The following AP3B1 variants were observed in gnomAD, a reference collection of about 807,000 sequenced individuals.
AP3B1 encodes AP-3 complex subunit beta-1.
In AP3B1, 61 loss-of-function variants were observed where a neutral mutation model predicts 132.5. That is an observed-to-expected ratio of 0.46 (90% CI 0.37 to 0.57). The LOEUF (loss-of-function observed/expected upper bound fraction) is 0.57, where lower values mean the gene tolerates loss of function less well. Ranked by LOEUF, AP3B1 falls within the 20% of genes least tolerant of loss-of-function variation. The pLI is 0.00. For missense variants in AP3B1, 1,120 were observed against 1,289.4 expected (o/e 0.87, Z 2.01); for synonymous variants, 388 against 438.3 (o/e 0.89, Z 1.43).
chr5:78,259,646 A>G (rs1287488517), intron 2 of AP3B1, among the ~76,000 whole-genome samples: 1 of 152,106 alleles, frequency 6.6e-6, no homozygotes, highest in Admixed American at 6.6e-5. Flanking sequence ...AAATACATAC[A>G]CCTACTATGT....
chr5:78,005,114 C>T (rs540151345), intron 26 of AP3B1, among the ~76,000 whole-genome samples: 8 of 152,276 alleles, frequency 5.3e-5, no homozygotes, highest in African/African-American at 1.9e-4. Flanking sequence ...CTCTATTTTC[C>T]CATTCATTTA....
intron 8 of AP3B1, among the ~76,000 whole-genome samples, chr5:78,181,305 G>C (rs1470431471): frequency 6.6e-6 from 1 of 152,024 alleles, no homozygotes; most frequent in African/African-American, 2.4e-5. Flanking sequence ...AATATATTTA[G>C]GTATTACTTC....
intron 22 of AP3B1, among the ~76,000 whole-genome samples, chr5:78,040,989 C>T (rs745525917): frequency 3.3e-5 from 5 of 152,086 alleles, no homozygotes; most frequent in Non-Finnish European, 5.9e-5. Context: ...TAATCATCAC[C>T]TCTGGCCAGG....
intron 2 of AP3B1, among the ~76,000 whole-genome samples, chr5:78,259,033 C>T (rs760939740): frequency 1.3e-5 from 2 of 151,912 alleles, no homozygotes; most frequent in Admixed American, 6.6e-5. Flanking sequence ...ATCAGGAGAT[C>T]GAGACCATCC....
At chr5:78,044,105 C>T (rs1440037808) in intron 22 of AP3B1, 6 of 316,654 alleles carry the variant, frequency 1.9e-5, no homozygotes, top group South Asian at 3.3e-5. Context: ...AAGTTTCCAG[C>T]TCCTCCGCTC....
Position 78,167,971 on chromosome 5 carries a change from T to C in AP3B1, c.1168-2299A>G, listed in dbSNP as rs147848911. 1.0e-3 allele frequency among the ~76,000 whole-genome samples: 149 copies of C among 143,398 alleles called. 1 individual carries two copies. Among genetic ancestry groups the C allele is most frequent in the African/African-American group, 3.8e-3 (145 of 38,018 alleles). The allele number at this position is 143,398 out of a possible 152,430, so 94.1% of individuals were successfully genotyped here. ...TCTCAGAAATCACCACTAAAGAACT[T>C]ATGCATGTAACCAAACACCACCTGT... is the stretch of plus-strand genomic sequence containing the variant. On this transcript the variant is annotated intron_variant, in intron 11 of 26. Coordinates refer to ENST00000255194, the MANE Select transcript of AP3B1 (RefSeq NM_003664.5).
intron 24 of AP3B1, among the ~76,000 whole-genome samples, chr5:78,026,898 T>G (rs1747360522): frequency 1.3e-5 from 2 of 152,212 alleles, no homozygotes; most frequent in East Asian, 3.8e-4. Context: ...CAAATGCAAG[T>G]TGGCCACTTG....
chr5:78,181,721 T>C (rs1308843350), intron 7 of AP3B1, 59 bp from the exon 8 acceptor site: 4 of 1,495,416 alleles, frequency 2.7e-6, no homozygotes, highest in South Asian at 1.2e-5. Context: ...CTGCATATTA[T>C]ATAGTCAAAG....
At chr5:78,076,577 T>C (rs770111621) in intron 22 of AP3B1, among the ~76,000 whole-genome samples, 6 of 152,158 alleles carry the variant, frequency 3.9e-5, no homozygotes, top group Non-Finnish European at 8.8e-5. Context: ...TAACTCAGGA[T>C]AAGGCTGGCC....
At chr5:78,158,208 A>G (rs1462994881) in intron 13 of AP3B1, among the ~76,000 whole-genome samples, 1 of 152,216 alleles carries the variant, frequency 6.6e-6, no homozygotes, top group Non-Finnish European at 1.5e-5. Context: ...ACAGTGGCTC[A>G]GCACTTTCGG....
chr5:78,015,089 C>T (rs913738122), intron 26 of AP3B1, among the ~76,000 whole-genome samples: 2 of 152,130 alleles, frequency 1.3e-5, no homozygotes, highest in African/African-American at 4.8e-5. Context: ...TGGACATCTA[C>T]TGAATCTGGT....
intron 7 of AP3B1, among the ~76,000 whole-genome samples, chr5:78,185,202 A>G (rs1281896294): frequency 6.6e-6 from 1 of 152,216 alleles, no homozygotes; most frequent in South Asian, 2.1e-4. Flanking sequence ...ACCTATCCTG[A>G]AAGAATGGCT....
intron 1 of AP3B1, among the ~76,000 whole-genome samples, chr5:78,287,571 T>A (rs1749333515): frequency 6.6e-6 from 1 of 152,164 alleles, no homozygotes; most frequent in Non-Finnish European, 1.5e-5. Flanking sequence ...TGGCCCTTTG[T>A]AAAACTTACG....
chr5:78,257,218 A>G (rs1165766953), intron 2 of AP3B1, among the ~76,000 whole-genome samples: 1 of 152,178 alleles, frequency 6.6e-6, no homozygotes, highest in African/African-American at 2.4e-5. Context: ...CTGGAAAGGA[A>G]GAAATTAAAG....
intron 1 of AP3B1, among the ~76,000 whole-genome samples, chr5:78,282,848 CAAAAAAAA>C (rs70997985): frequency 1.1e-4 from 14 of 129,366 alleles, no homozygotes; most frequent in East Asian, 9.6e-4. Flanking sequence ...TTGTCTCTAC[CAAAAAAAA>C]AAAAAAAAAA....
At chr5:78,225,712 G>C in intron 5 of AP3B1, 104 bp from the exon 6 acceptor site, 1 of 695,176 alleles carries the variant, frequency 1.4e-6, no homozygotes, top group Non-Finnish European at 2.5e-6. Flanking sequence ...AGGGAAAGGA[G>C]AGCAAGAATT....
At chr5:78,236,907 T>C (rs973591371) in intron 3 of AP3B1, among the ~76,000 whole-genome samples, 2 of 152,032 alleles carry the variant, frequency 1.3e-5, no homozygotes, top group Admixed American at 1.3e-4. Context: ...AAAGGGAGAG[T>C]AGTTGAAAAT....
chr5:78,162,907 A>G lies in AP3B1; in HGVS notation c.1275T>C (p.Ile425=), dbSNP rs1174063218. 10 of 1,613,878 alleles carry G rather than the reference A, an allele frequency of 6.2e-6. No individual in the cohort carries two copies. Among genetic ancestry groups the G allele is most frequent in the Non-Finnish European group, 6.8e-6 (8 of 1,179,858 alleles). Residue 425 remains isoleucine, a synonymous_variant, in exon 13 of 27, where the codon ATT becomes ATC. Transcript: ENST00000255194. The part of the protein sequence containing the change: ...SQDKQFAAAT[I]QTIGRCATNI... ...TGGTTGCACATCTGCCTATAGTCTG[A>G]ATAGTGGCTGCTGCAAATTGTTTAT...
rs369983099 is a variant in AP3B1, at chr5:78,188,854, A to G, written c.787-7192T>C. Among the ~76,000 whole-genome samples, 9 of 152,306 alleles carry G rather than the reference A, an allele frequency of 5.9e-5. No homozygotes were observed. In the East Asian group the frequency reaches 1.5e-3, roughly 26 times the overall value. On this transcript the variant is annotated intron_variant, in intron 7 of 26. Transcript: ENST00000255194. ...AATGCCCATCAATGACAGACTACAT[A>G]AAGAAAATGTGGTGCATATACACCA...
Sources: gnomAD v4.1 joint callset for allele counts (sites outside exome capture counted in the v4.1 genomes callset) on GRCh38, gnomAD v4.1.1 for gene constraint, MANE v1.5 for transcripts, NCBI Gene and HGNC (gene_info 2026-07-23, HGNC 2026-07-21) for gene names.